Variants in CHN2 observed in about 807,000 individuals in gnomAD.
The protein encoded by CHN2 is chimerin 2, also known as beta-chimaerin.
In CHN2, 35 loss-of-function variants were observed where a neutral mutation model predicts 56.3. The ratio of observed to expected loss-of-function variants is 0.62; its 90% CI spans 0.47 to 0.82. The LOEUF is 0.82. Ranked by LOEUF, CHN2 falls within the 40% of genes least tolerant of loss-of-function variation. CHN2 has a pLI of 0.00. For synonymous variants in CHN2, 210 were observed against 212.8 expected (o/e 0.99, Z 0.12); for missense variants, 491 against 580.5 (o/e 0.85, Z 1.58).
intron 1 of CHN2, among the ~76,000 whole-genome samples, chr7:29,312,394 A>G (rs1454418743): frequency 6.6e-6 from 1 of 152,176 alleles, no homozygotes; most frequent in African/African-American, 2.4e-5. Flanking sequence ...CATCAAGCAC[A>G]ATGTGATTTT....
At chr7:29,459,990 C>T (rs1321203081) in intron 6 of CHN2, among the ~76,000 whole-genome samples, 3 of 152,112 alleles carry the variant, frequency 2.0e-5, no homozygotes, top group Non-Finnish European at 4.4e-5. Context: ...CGTGGCTGCC[C>T]CTTTCCAAGG....
chr7:29,501,601 C>T (rs990271657), intron 9 of CHN2, among the ~76,000 whole-genome samples: 5 of 152,078 alleles, frequency 3.3e-5, no homozygotes, highest in Non-Finnish European at 5.9e-5. Flanking sequence ...AGTACAAGAG[C>T]GAGATAGAGT....
intron 12 of CHN2, among the ~76,000 whole-genome samples, chr7:29,512,029 A>AC (rs1791504088): frequency 6.6e-6 from 1 of 151,812 alleles, no homozygotes; most frequent in Admixed American, 6.6e-5. Flanking sequence ...CCGTTCCCCC[A>AC]CCCCACGATA....
intron 3 of CHN2, among the ~76,000 whole-genome samples, chr7:29,378,126 A>T (rs924458910): frequency 3.9e-5 from 6 of 152,234 alleles, no homozygotes; most frequent in African/African-American, 1.4e-4. Flanking sequence ...TGTTTCATCA[A>T]CACCTTTCAA....
At chr7:29,341,572 G>A (rs143226294) in intron 1 of CHN2, among the ~76,000 whole-genome samples, 82 of 152,112 alleles carry the variant, frequency 5.4e-4, no homozygotes, top group African/African-American at 1.9e-3. Flanking sequence ...AGGAAGAACA[G>A]GGAGGGACAG....
intron 7 of CHN2, among the ~76,000 whole-genome samples, chr7:29,489,528 C>A (rs1202297093): frequency 1.3e-5 from 2 of 152,300 alleles, no homozygotes; most frequent in East Asian, 1.9e-4. Flanking sequence ...AGCATTTACA[C>A]GTAGCCTTCT....
chr7:29,416,448 A>T (rs1435918189), intron 6 of CHN2, among the ~76,000 whole-genome samples: 1 of 152,206 alleles, frequency 6.6e-6, no homozygotes. Flanking sequence ...AAATGGGGTG[A>T]AAAAGGGCAG....
chr7:29,168,059 G>A (rs983567863), intron 2 of CHN2, among the ~76,000 whole-genome samples: 4 of 152,168 alleles, frequency 2.6e-5, no homozygotes, highest in Admixed American at 6.5e-5. Flanking sequence ...AATTTTGTTG[G>A]TATGATTCTT....
intron 1 of CHN2, among the ~76,000 whole-genome samples, chr7:29,340,481 A>G (rs1402466921): frequency 6.6e-6 from 1 of 152,128 alleles, no homozygotes; most frequent in Non-Finnish European, 1.5e-5. Context: ...TGGCACTTTC[A>G]TTAGTAAGGG....
intron 6 of CHN2, among the ~76,000 whole-genome samples, chr7:29,415,157 A>G (rs1349136851): frequency 1.3e-5 from 2 of 152,254 alleles, no homozygotes; most frequent in African/African-American, 2.4e-5. Context: ...GGCCAGTGAC[A>G]TAGGTTCAGT....
chr7:29,321,859 G>A (rs552491778), intron 1 of CHN2, among the ~76,000 whole-genome samples: 2 of 152,188 alleles, frequency 1.3e-5, no homozygotes, highest in South Asian at 2.1e-4. Flanking sequence ...GTGAGCCACC[G>A]CGCCCAGCCA....
At chr7:29,286,699 T>C (rs1046917593) in intron 1 of CHN2, among the ~76,000 whole-genome samples, 1 of 152,206 alleles carries the variant, frequency 6.6e-6, no homozygotes, top group African/African-American at 2.4e-5. Context: ...AGATCCACCC[T>C]AAAGTGGAGA....
intron 1 of CHN2, among the ~76,000 whole-genome samples, chr7:29,258,522 T>A (rs1789258984): frequency 6.6e-6 from 1 of 152,206 alleles, no homozygotes; most frequent in African/African-American, 2.4e-5. Flanking sequence ...TTTTCTTCCA[T>A]AAAGTCTAAG....
chr7:29,498,398 T>C (rs1789532560), intron 8 of CHN2, among the ~76,000 whole-genome samples: 1 of 152,236 alleles, frequency 6.6e-6, no homozygotes, highest in African/African-American at 2.4e-5. Flanking sequence ...ATTATTGAAG[T>C]CACTTGAGCT....
intron 1 of CHN2, among the ~76,000 whole-genome samples, chr7:29,208,316 A>T (rs889240282): frequency 1.3e-5 from 2 of 152,134 alleles, no homozygotes; most frequent in Non-Finnish European, 2.9e-5. Flanking sequence ...CACCTGAGAC[A>T]GGCACCCCCA....
intron 6 of CHN2, among the ~76,000 whole-genome samples, chr7:29,449,870 G>A (rs536417408): frequency 6.6e-6 from 1 of 152,298 alleles, no homozygotes; most frequent in South Asian, 2.1e-4. Context: ...TGGTAACTTG[G>A]TGTTTACTCT....
At chr7:29,205,817 GT>G (rs2128773480) in intron 1 of CHN2, among the ~76,000 whole-genome samples, 1 of 151,862 alleles carries the variant, frequency 6.6e-6, no homozygotes, top group East Asian at 1.9e-4. Context: ...TCTTTATTAT[GT>G]AAAAAAAAAT....
chr7:29,167,000 A>G (rs1188316229), intron 2 of CHN2, among the ~76,000 whole-genome samples: 1 of 152,162 alleles, frequency 6.6e-6, no homozygotes, highest in Admixed American at 6.5e-5. Context: ...TTGCATGCAT[A>G]GAGTACATAT....
intron 1 of CHN2, among the ~76,000 whole-genome samples, chr7:29,351,978 G>C (rs1243950424): frequency 1.3e-5 from 2 of 152,150 alleles, no homozygotes; most frequent in African/African-American, 2.4e-5. Flanking sequence ...GTAGCCCACA[G>C]CCTAAAGGAG....
Sources: gnomAD v4.1 joint callset for allele counts (sites outside exome capture counted in the v4.1 genomes callset) on GRCh38, gnomAD v4.1.1 for gene constraint, MANE v1.5 for transcripts, NCBI Gene and HGNC (gene_info 2026-07-23, HGNC 2026-07-21) for gene names.